Variants in TKT observed in about 807,000 individuals in gnomAD.
TKT encodes transketolase.
In TKT, 47 loss-of-function variants were observed where a neutral mutation model predicts 63.9. The observed-to-expected ratio is 0.74, with a 90% CI of 0.58 to 0.94. The LOEUF (loss-of-function observed/expected upper bound fraction) is 0.94, where lower values mean the gene tolerates loss of function less well. Ranked by LOEUF, TKT falls within the 40% of genes least tolerant of loss-of-function variation. TKT has a pLI of 0.00. For synonymous variants in TKT, 338 were observed against 334.1 expected, an observed-to-expected ratio of 1.01 and a Z score of -0.13; for missense variants, 721 against 846.2, an observed-to-expected ratio of 0.85 and a Z score of 1.84.
At chr3:53,229,478 G>T (rs781875023) in intron 8 of TKT, 42 bp from the exon 9 acceptor site, 1 of 1,570,718 alleles carries the variant, frequency 6.4e-7, no homozygotes, top group Admixed American at 1.9e-5. Context: ...GGGGCAGGCA[G>T]AGGGTGGTCG....
chr3:53,233,102 C>T, intron 6 of TKT, 54 bp downstream of exon 6: 1 of 1,494,136 alleles, frequency 6.7e-7, no homozygotes, highest in Non-Finnish European at 9.3e-7. Context: ...AGCTACGTAG[C>T]CACAGTGTCT....
chr3:53,235,829 A>G (rs1705002101), intron 4 of TKT, among the ~76,000 whole-genome samples: 1 of 138,228 alleles, frequency 7.2e-6, no homozygotes, highest in African/African-American at 2.6e-5. Context: ...TTTCTCTACC[A>G]CAGGGGCCCT....
intron 1 of TKT, among the ~76,000 whole-genome samples, chr3:53,250,738 T>C (rs1553681528): frequency 6.6e-6 from 1 of 151,824 alleles, no homozygotes; most frequent in African/African-American, 2.4e-5. Flanking sequence ...CGCCACAGCA[T>C]TCTAGCCTGG....
chr3:53,235,704 G>C (rs908902015), intron 4 of TKT: 1 of 152,386 alleles, frequency 6.6e-6, no homozygotes, highest in African/African-American at 2.4e-5. Context: ...GGAGCAAGAG[G>C]GCTCTGGGGA....
chr3:53,231,415 G>A lies in TKT; in HGVS notation c.884C>T (p.Ser295Leu), dbSNP rs374294822. 1.9e-6 allele frequency: 3 copies of A among 1,614,132 alleles called. No homozygotes were observed. Among genetic ancestry groups the A allele is most frequent in the Non-Finnish European group, 2.5e-6 (3 of 1,180,038 alleles). ...CATGCGGATGTTGGCAATGTCCACTGAGGGTGCGTCCTCCTGTGGAGGGGT... is the reference window on the plus strand; with the variant it reads ...CATGCGGATGTTGGCAATGTCCACTAAGGGTGCGTCCTCCTGTGGAGGGGT... ...LATPPQEDAP[S>L]VDIANIRMPS... Residue 295 changes from serine to leucine, a missense_variant, in exon 7 of 14, where the codon TCA becomes TTA. By Grantham distance (145) the Ser-to-Leu change is moderately radical. Transcript: ENST00000462138.
intron 1 of TKT, among the ~76,000 whole-genome samples, chr3:53,246,130 T>C (rs1338028362): frequency 6.6e-6 from 1 of 152,086 alleles, no homozygotes; most frequent in African/African-American, 2.4e-5. Flanking sequence ...TAGCTGGGCA[T>C]GGTGGCAGGC....
intron 4 of TKT, chr3:53,235,561 C>T (rs1198358717): frequency 6.3e-6 from 1 of 158,236 alleles, no homozygotes; most frequent in Non-Finnish European, 1.4e-5. Context: ...CCGCTGTGAA[C>T]CAGAGGTTGG....
rs782560929 is a variant in TKT at position 53,229,389 on chromosome 3, G to T, written c.1155C>A (p.Phe385Leu). The T allele has an allele frequency of 6.2e-7, 1 of 1,612,566 alleles. No homozygotes were observed. The highest frequency in any genetic ancestry group is 8.5e-7 in the Non-Finnish European group (1 of 1,179,288). The change falls in exon 9 of 14, where the codon TTC (phenylalanine) becomes TTA (leucine). Residue 385 changes from phenylalanine (F) to leucine (L), a missense_variant. Physicochemically the swap from Phe to Leu is conservative, Grantham distance 22. Transcript: ENST00000462138. ...TGAAGAAGGCTGCAAAAGTGCTGCA[G>T]AAGGGCACCGTCCTGTTGCGGGTGG... Reference protein sequence around the residue: ...GCATRNRTVPFCSTFAAFFTR... With the variant: ...GCATRNRTVPLCSTFAAFFTR...
intron 7 of TKT, 78 bp from the exon 8 acceptor site, chr3:53,230,699 G>A: frequency 6.4e-7 from 1 of 1,554,306 alleles, no homozygotes; most frequent in Non-Finnish European, 8.7e-7. Context: ...CCTGCTTTCA[G>A]AGAAGGATTA....
At chr3:53,236,937 C>A (rs1277981848) in intron 4 of TKT, among the ~76,000 whole-genome samples, 2 of 152,210 alleles carry the variant, frequency 1.3e-5, no homozygotes, top group African/African-American at 2.4e-5. Flanking sequence ...TGCAAACATC[C>A]ATTCATGAAC....
chr3:53,232,947 C>T, intron 6 of TKT: 1 of 548,922 alleles, frequency 1.8e-6, no homozygotes, highest in Non-Finnish European at 3.2e-6. Flanking sequence ...GTACATGCCC[C>T]CACCGGCAGA....
intron 1 of TKT, chr3:53,243,558 C>T (rs781817399): frequency 2.6e-5 from 12 of 456,476 alleles, no homozygotes; most frequent in South Asian, 7.7e-5. Flanking sequence ...CCAACATTCT[C>T]GCACACGATC....
intron 9 of TKT, 29 bp from the exon 10 acceptor site, chr3:53,229,166 A>T: frequency 3.7e-6 from 6 of 1,613,928 alleles, no homozygotes; most frequent in Non-Finnish European, 5.1e-6. Context: ...GATATGCAGA[A>T]ATAAGACCCC....
intron 4 of TKT, 120 bp from the exon 5 acceptor site, chr3:53,235,294 G>A (rs1487394872): frequency 1.4e-5 from 13 of 925,020 alleles, no homozygotes; most frequent in Non-Finnish European, 1.9e-5. Context: ...TGGATATGCA[G>A]AACAGATGGC....
At position 53,229,193 on chromosome 3, in the gene TKT, G is replaced by T. The variant is rs1004035612; in HGVS notation, c.1265-56C>A. On this transcript the variant is annotated intron_variant, in intron 9 of 13. Transcript: ENST00000462138. ...TAAGACCCCTACCCCCCCATCCATG[G>T]GCTGGAATCCTGGCCCATCCCCCTC... 5.6e-6 allele frequency: 9 copies of T among 1,613,202 alleles called. No individual in the cohort carries two copies. In the African/African-American group the frequency reaches 9.4e-5, roughly 17 times the overall value.
chr3:53,230,318 C>G (rs1704691218), intron 8 of TKT, 139 bp downstream of exon 8: 2 of 1,129,846 alleles, frequency 1.8e-6, no homozygotes, highest in Non-Finnish European at 2.5e-6. Context: ...GGGGTTAACG[C>G]TGGGTCCTGG....
intron 12 of TKT, 138 bp from the exon 13 acceptor site, chr3:53,227,016 AACC>A: frequency 9.3e-7 from 1 of 1,075,150 alleles, no homozygotes; most frequent in Non-Finnish European, 1.3e-6. Context: ...TCCCAGGGAG[AACC>A]ACTTGCCACC....
intron 1 of TKT, among the ~76,000 whole-genome samples, chr3:53,253,535 C>T (rs1282518129): frequency 2.0e-5 from 3 of 152,194 alleles, no homozygotes; most frequent in Non-Finnish European, 4.4e-5. Flanking sequence ...CTTCGGGAGG[C>T]CGAGGTGGGT....
At chr3:53,231,336 G>A in intron 7 of TKT, 21 bp downstream of exon 7, 2 of 1,611,188 alleles carry the variant, frequency 1.2e-6, no homozygotes, top group Non-Finnish European at 1.7e-6. Context: ...TGGGTTCAGA[G>A]AAACAGGCCC....
Sources: allele counts gnomAD v4.1 joint callset (sites outside exome capture counted in the v4.1 genomes callset), GRCh38; gene constraint gnomAD v4.1.1; transcripts MANE v1.5; gene names NCBI Gene and HGNC (gene_info 2026-07-23, HGNC 2026-07-21).